Variants in URM1 observed in about 807,000 individuals in gnomAD.
URM1 encodes ubiquitin related modifier 1.
URM1 carries 11 observed loss-of-function variants against 17.7 expected under a neutral mutation model. The observed-to-expected ratio is 0.62, with a 90% CI of 0.39 to 1.03. The LOEUF is 1.03. URM1 is among the 50% of genes least tolerant of loss of function. The pLI is 0.00. For missense variants in URM1, 128 were observed against 129.2 expected (o/e 0.99, Z 0.04); for synonymous variants, 48 against 50.6 (o/e 0.95, Z 0.22).
intron 2 of URM1, among the ~76,000 whole-genome samples, chr9:128,380,544 G>T (rs1833145215): frequency 6.6e-6 from 1 of 152,072 alleles, no homozygotes; most frequent in African/African-American, 2.4e-5. Context: ...CAAAGACCTT[G>T]CCTGGAAGTT....
chr9:128,389,235 GCTA>G, intron 3 of URM1, 23 bp from the exon 4 acceptor site: 1 of 1,578,654 alleles, frequency 6.3e-7, no homozygotes, highest in Non-Finnish European at 8.6e-7. Flanking sequence ...CTCACTCCTT[GCTA>G]CTCACCACCA....
At chr9:128,383,159 C>T (rs1391421201) in intron 2 of URM1, among the ~76,000 whole-genome samples, 2 of 152,096 alleles carry the variant, frequency 1.3e-5, no homozygotes, top group Non-Finnish European at 2.9e-5. Flanking sequence ...GTTTGCTGAT[C>T]CCCTCTCCAC....
chr9:128,385,873 G>A (rs1261096676), intron 2 of URM1, among the ~76,000 whole-genome samples: 1 of 151,528 alleles, frequency 6.6e-6, no homozygotes, highest in Non-Finnish European at 1.5e-5. Context: ...GGCAGGCCTG[G>A]GTGGGGGGCG....
chr9:128,387,998 TCCCCTTCCTC>T lies in URM1; in HGVS notation c.188+103_188+112del, dbSNP rs1833251064. On this transcript the variant is annotated intron_variant, in intron 3 of 4. Coordinates refer to ENST00000372853, the MANE Select transcript of URM1 (RefSeq NM_030914.4). The surrounding 1 kb of genome is among the most constrained non-coding windows in gnomAD (Gnocchi z 4.3). ...TCCTGGCCTTCTCTGAATCCGGTTC[TCCCCTTCCTC>T]CTCCCTAACTCTTCCAGCTCTGAGA... The T allele has an allele frequency of 1.3e-6, 2 of 1,510,112 alleles. No individual in the cohort carries two copies. Among genetic ancestry groups the T allele is most frequent in the Admixed American group, 4.1e-5 (2 of 48,770 alleles). The allele number at this position is 1,510,112 out of a possible 1,614,324, so 93.5% of individuals were successfully genotyped here. A position where few individuals can be genotyped will look rare whatever the true frequency, so the allele number is the denominator to read the frequency against.
chr9:128,373,645 TAG>T (rs1476997537), intron 1 of URM1, among the ~76,000 whole-genome samples: 1 of 152,182 alleles, frequency 6.6e-6, no homozygotes, highest in Non-Finnish European at 1.5e-5. Context: ...GTATGTAATA[TAG>T]TTGTGTTTTG....
chr9:128,386,254 C>T (rs978274741), intron 2 of URM1, among the ~76,000 whole-genome samples: 2 of 152,102 alleles, frequency 1.3e-5, no homozygotes, highest in East Asian at 3.9e-4. Flanking sequence ...TATGGGTTGG[C>T]GGCCCACCAG....
chr9:128,382,921 C>T (rs961822407), intron 2 of URM1, among the ~76,000 whole-genome samples: 2 of 152,132 alleles, frequency 1.3e-5, no homozygotes, highest in African/African-American at 2.4e-5. Flanking sequence ...ATCCCTTTGA[C>T]CCAAGGCCCC....
In URM1 at chr9:128,389,825, C is replaced by A; in HGVS notation, c.*91C>A. ...CCTGCTTCCAGGTCTCCCTGTCCCC[C>A]TTGCCTGCCTTCTTCCCTGCTCTGT... On this transcript the variant is annotated 3_prime_UTR_variant, in exon 5 of 5. Coordinates refer to ENST00000372853, the MANE Select transcript of URM1 (RefSeq NM_030914.4). 6.5e-7 allele frequency: 1 copy of A among 1,548,570 alleles called. No individual in the cohort carries two copies.
chr9:128,373,383 G>C (rs992970792), intron 1 of URM1, among the ~76,000 whole-genome samples: 19 of 152,042 alleles, frequency 1.2e-4, no homozygotes, highest in Admixed American at 2.6e-4. Context: ...TCCAGAACTG[G>C]AGCAAATTTG....
Position 128,387,822 on chromosome 9 carries a change from T to C in URM1, c.113T>C (p.Ile38Thr). The C allele has an allele frequency of 6.2e-7, 1 of 1,614,144 alleles. No homozygotes were observed. The highest frequency in any genetic ancestry group is 8.5e-7 in the Non-Finnish European group (1 of 1,180,014). ...TLPGQEEPWD[I>T]RNLLIWIKKN... is the part of the protein sequence containing the mutation. The stretch of plus-strand genomic sequence containing the variant: ...TCTGTGCATTCCTTTCCAGGGGACA[T>C]CCGGAACCTGCTCATCTGGATCAAG... The change falls in exon 3 of 5, where the codon ATC (isoleucine) becomes ACC (threonine). Residue 38 changes from isoleucine to threonine, a missense_variant. Coordinates refer to ENST00000372853, the MANE Select transcript of URM1 (RefSeq NM_030914.4). The surrounding 1 kb of genome is among the most constrained non-coding windows in gnomAD (Gnocchi z 4.3).
intron 2 of URM1, among the ~76,000 whole-genome samples, chr9:128,384,925 A>C (rs559665314): frequency 1.3e-5 from 2 of 152,034 alleles, no homozygotes; most frequent in South Asian, 4.2e-4. Flanking sequence ...CTACCTCCCC[A>C]GTTGTCCACT....
intron 2 of URM1, among the ~76,000 whole-genome samples, chr9:128,386,632 G>C (rs887587160): frequency 1.3e-5 from 2 of 152,346 alleles, no homozygotes; most frequent in East Asian, 3.9e-4. Flanking sequence ...GGCTGGGGCC[G>C]TGTGTGCGTG....
intron 3 of URM1, chr9:128,388,984 C>A: frequency 7.8e-7 from 1 of 1,275,516 alleles, no homozygotes. Context: ...GATGAGGAAC[C>A]TGATACTCAG....
At chr9:128,384,377 C>T (rs1046393675) in intron 2 of URM1, among the ~76,000 whole-genome samples, 2 of 152,204 alleles carry the variant, frequency 1.3e-5, no homozygotes, top group Non-Finnish European at 2.9e-5. Context: ...TCATTCCTAC[C>T]ACCTGGGTTG....
intron 2 of URM1, among the ~76,000 whole-genome samples, chr9:128,383,957 G>A (rs529943028): frequency 3.7e-4 from 57 of 152,176 alleles, no homozygotes; most frequent in Non-Finnish European, 4.0e-4. Flanking sequence ...AGAGGATGAG[G>A]AATCTGAAGT....
Position 128,387,407 on chromosome 9 carries a change from A to T in URM1, c.107-409A>T, listed in dbSNP as rs574157268. On this transcript the variant is annotated intron_variant, in intron 2 of 4. Coordinates refer to ENST00000372853, the MANE Select transcript of URM1 (RefSeq NM_030914.4). This position sits in a 1 kb window ranked among gnomAD's most constrained non-coding sequence, Gnocchi z 4.3. ...TCCCCATCTGCGACTGGCTGGAGAG[A>T]TAAAGGTGGAGGGGGCTCTTCAAGG... Among the ~76,000 whole-genome samples, 1 of 152,330 alleles carries T rather than the reference A, an allele frequency of 6.6e-6. No individual in the cohort carries two copies. The highest frequency in any genetic ancestry group is 1.5e-5 in the Non-Finnish European group (1 of 68,028).
At chr9:128,377,134 A>G (rs571061648) in intron 1 of URM1, among the ~76,000 whole-genome samples, 1 of 152,304 alleles carries the variant, frequency 6.6e-6, no homozygotes, top group Admixed American at 6.5e-5. Flanking sequence ...GGCCTCCCAC[A>G]GTGCTAGGAT....
At chr9:128,376,976 A>G (rs566044512) in intron 1 of URM1, among the ~76,000 whole-genome samples, 79 of 152,192 alleles carry the variant, frequency 5.2e-4, no homozygotes, top group African/African-American at 1.7e-3. Flanking sequence ...ACAAAGCAAG[A>G]CCTTGTCTCA....
intron 1 of URM1, among the ~76,000 whole-genome samples, chr9:128,374,398 TCTC>T (rs2131288241): frequency 6.6e-6 from 1 of 152,062 alleles, no homozygotes; most frequent in East Asian, 1.9e-4. Context: ...CCATCCCTCT[TCTC>T]TGACCCCCAA....
Sources: gnomAD v4.1 joint callset for allele counts (sites outside exome capture counted in the v4.1 genomes callset) on GRCh38, gnomAD v4.1.1 for gene constraint, Gnocchi (gnomAD v3.1) non-coding constraint, MANE v1.5 for transcripts, NCBI Gene and HGNC (gene_info 2026-07-23, HGNC 2026-07-21) for gene names.